Variants in RRAGC observed in about 807,000 individuals in gnomAD.
RRAGC encodes Ras related GTP binding C, also known as ras-related GTP-binding protein C.
In RRAGC, 8 loss-of-function variants were observed where a neutral mutation model predicts 37.1. The observed-to-expected ratio is 0.22, with a 90% CI of 0.13 to 0.39. The LOEUF (loss-of-function observed/expected upper bound fraction) is 0.39, where lower values mean the gene tolerates loss of function less well. Among genes scored for constraint, RRAGC ranks in the 10% least tolerant of loss-of-function variants. The pLI is 1.00. For synonymous variants in RRAGC, 190 were observed against 181.1 expected, an observed-to-expected ratio of 1.05 and a Z score of -0.39; for missense variants, 342 against 497.6, an observed-to-expected ratio of 0.69 and a Z score of 2.98.
chr1:38,857,235 A>G (rs934401823), intron 1 of RRAGC, among the ~76,000 whole-genome samples, 153 bp from the exon 2 acceptor site: 3 of 152,184 alleles, frequency 2.0e-5, no homozygotes, highest in Non-Finnish European at 4.4e-5. Flanking sequence ...GGTATTCACT[A>G]TCCCTTTATT....
At position 38,857,895 on chromosome 1, in the gene RRAGC, G is replaced by C. The variant is rs974477446; in HGVS notation, c.238-813C>G. Among the ~76,000 whole-genome samples, 3 of 152,116 alleles carry C rather than the reference G, an allele frequency of 2.0e-5. No individual in the cohort carries two copies. The East Asian group carries it at 5.8e-4, about 29-fold the overall frequency. On this transcript the variant is annotated intron_variant, in intron 1 of 6. Transcript: ENST00000373001. ...GAATCACTTGAACCCAGGAGGTGGA[G>C]GCTGCAGTGAGTGAAGATCACACCA...
rs560202320 is a variant in RRAGC at position 38,851,926 on chromosome 1, T to G, written c.757-169A>C. ...AGAGACTCTTCTATTATCCAAAGAA[T>G]GAAAGAGGAATTATTTCTCTACTCT... On this transcript the variant is annotated intron_variant, in intron 4 of 6. Coordinates refer to ENST00000373001, the MANE Select transcript of RRAGC (RefSeq NM_022157.4). Among the ~76,000 whole-genome samples the G allele has an allele frequency of 1.1e-4, 17 of 152,220 alleles. 1 individual carries two copies. Among genetic ancestry groups the G allele is most frequent in the Admixed American group, 2.0e-4 (3 of 15,278 alleles).
At position 38,859,564 on chromosome 1, in the gene RRAGC, T is replaced by C; in HGVS notation, c.83A>G (p.Tyr28Cys). ...AADSFPKDFG[Y>C]GVEEEEEEAA... ...CTCCTCTTCCTCCTCCTCCACGCCGTAGCCGAAGTCCTTTGGAAACGAATC... is the reference window on the plus strand; with the variant it reads ...CTCCTCTTCCTCCTCCTCCACGCCGCAGCCGAAGTCCTTTGGAAACGAATC... The change falls in exon 1 of 7, where the codon TAC becomes TGC. Residue 28 changes from tyrosine (Y) to cysteine (C), a missense_variant. Physicochemically the swap from Tyr to Cys is radical, Grantham distance 194. This residue lies in a region of RRAGC where 104 missense variants were observed against 93.4 expected (regional missense o/e 1.11). Transcript: ENST00000373001. 3.2e-6 allele frequency: 5 copies of C among 1,549,654 alleles called. No homozygotes were observed. Among genetic ancestry groups the C allele is most frequent in the Non-Finnish European group, 4.4e-6 (5 of 1,148,424 alleles).
At chr1:38,856,789 G>A in intron 2 of RRAGC, 90 bp downstream of exon 2, 1 of 1,275,728 alleles carries the variant, frequency 7.8e-7, no homozygotes, top group Non-Finnish European at 1.1e-6. Flanking sequence ...GAGATAAGCT[G>A]CAACCACATG....
At chr1:38,851,369 C>T in intron 5 of RRAGC, 1 of 297,054 alleles carries the variant, frequency 3.4e-6, no homozygotes, top group Middle Eastern at 9.2e-4. Context: ...GTGGGAGAAA[C>T]TTGCAGTGAT....
In RRAGC at chr1:38,859,729, GCCGCCGCCACCACCGCCA is replaced by G; in HGVS notation, c.-101_-84del. The stretch of plus-strand genomic sequence containing the variant: ...GCCGCCTCCCCAGTCCGCCTCCGCC[GCCGCCGCCACCACCGCCA>G]CCGCCCCCGGCAGCCGCCACAGTCC... On this transcript the variant is annotated 5_prime_UTR_variant, in exon 1 of 7. Transcript: ENST00000373001. The G allele has an allele frequency of 8.5e-7, 1 of 1,175,150 alleles. No homozygotes were observed. The highest frequency in any genetic ancestry group is 1.1e-6 in the Non-Finnish European group (1 of 935,484). 72.8% of individuals were successfully genotyped at this position (1,175,150 alleles called of 1,614,324 possible). A position where few individuals can be genotyped will look rare whatever the true frequency, so the allele number is the denominator to read the frequency against.
intron 5 of RRAGC, among the ~76,000 whole-genome samples, chr1:38,849,487 G>C (rs527951737): frequency 1.3e-5 from 2 of 152,206 alleles, no homozygotes; most frequent in African/African-American, 4.8e-5. Context: ...CCAGGAGTTC[G>C]AGACCAGCCT....
chr1:38,845,548 A>G (rs534692769), intron 6 of RRAGC, among the ~76,000 whole-genome samples: 33 of 152,284 alleles, frequency 2.2e-4, no homozygotes, highest in African/African-American at 7.2e-4. Flanking sequence ...TGAGTGCAGC[A>G]AACCACCATG....
At chr1:38,851,835 T>C (rs1642104308) in intron 4 of RRAGC, 78 bp from the exon 5 acceptor site, 20 of 1,300,436 alleles carry the variant, frequency 1.5e-5, no homozygotes, top group Non-Finnish European at 2.1e-5. Flanking sequence ...CTAGAATTAC[T>C]GAATAACATC....
chr1:38,859,597 C>T lies in RRAGC; in HGVS notation c.50G>A (p.Gly17Asp). 6.4e-7 allele frequency: 1 copy of T among 1,568,320 alleles called. No individual in the cohort carries two copies. Among genetic ancestry groups the T allele is most frequent in the Non-Finnish European group, 8.6e-7 (1 of 1,157,728 alleles). Reference protein sequence around the residue: ...AEETPLAGSYGAADSFPKDFG... With the variant: ...AEETPLAGSYDAADSFPKDFG... ...GTCCTTTGGAAACGAATCGGCCGCGCCGTAACTGCCGGCGAGGGGCGTCTC... is the reference window on the plus strand; with the variant it reads ...GTCCTTTGGAAACGAATCGGCCGCGTCGTAACTGCCGGCGAGGGGCGTCTC... Residue 17 changes from glycine to aspartate, a missense_variant, in exon 1 of 7, where the codon GGC becomes GAC. By Grantham distance (94) the Gly-to-Asp change is moderately conservative (BLOSUM62 -1). Transcript: ENST00000373001.
intron 1 of RRAGC, 78 bp from the exon 2 acceptor site, chr1:38,857,160 T>A: frequency 8.1e-7 from 1 of 1,229,782 alleles, no homozygotes; most frequent in Non-Finnish European, 1.2e-6. Flanking sequence ...GGTTTAACAT[T>A]TAAACATTTG....
At chr1:38,846,183 T>A (rs1436635457) in intron 5 of RRAGC, 96 bp from the exon 6 acceptor site, 2 of 960,370 alleles carry the variant, frequency 2.1e-6, no homozygotes, top group South Asian at 1.5e-5. Context: ...TTCCCAAATG[T>A]CTCTGGGAAA....
Position 38,852,483 on chromosome 1 carries a change from T to C in RRAGC, c.647A>G (p.Tyr216Cys). The change falls in exon 4 of 7, where the codon TAT becomes TGT. Residue 216 changes from tyrosine to cysteine, a missense_variant. Transcript: ENST00000373001. ...TGAATGGTCATAGATACTAGTCAGA[T>C]AAAAGCTGAAAAACACAACATAGCT... ...AGLEKLHLSFYLTSIYDHSIF... is the reference protein window; with the variant it reads ...AGLEKLHLSFCLTSIYDHSIF... 6.6e-7 allele frequency: 1 copy of C among 1,505,566 alleles called. No individual in the cohort carries two copies. Among genetic ancestry groups the C allele is most frequent in the Non-Finnish European group, 9.2e-7 (1 of 1,086,936 alleles). 93.3% of individuals were successfully genotyped at this position (1,505,566 alleles called of 1,614,324 possible).
rs1642112954 is a variant in RRAGC, at chr1:38,852,507, CTTGA to C, written c.642-23_642-20del. 1 of 1,147,994 alleles carries C rather than the reference CTTGA, an allele frequency of 8.7e-7. No homozygotes were observed. The highest frequency in any genetic ancestry group is 1.3e-6 in the Non-Finnish European group (1 of 774,238). The allele number at this position is 1,147,994 out of a possible 1,614,324, so 71.1% of individuals were successfully genotyped here. A position where few individuals can be genotyped will look rare whatever the true frequency, so the allele number is the denominator to read the frequency against. ...ATAAAAGCTGAAAAACACAACATAG[CTTGA>C]TTAATTTGAAAAATACCTTATGTTC... On this transcript the variant is annotated intron_variant, in intron 3 of 6. Transcript: ENST00000373001.
rs530710323 is a variant in RRAGC at position 38,843,652 on chromosome 1, G to A, written c.1048+2287C>T. Among the ~76,000 whole-genome samples the A allele has an allele frequency of 2.0e-4, 31 of 151,660 alleles. 1 individual carries two copies. The highest frequency in any genetic ancestry group is 7.3e-4 in the African/African-American group (30 of 41,292). On this transcript the variant is annotated intron_variant, in intron 6 of 6. Coordinates refer to ENST00000373001, the MANE Select transcript of RRAGC (RefSeq NM_022157.4). Reference sequence around the variant, plus strand: ...GGAGAATGATGTGAACCCGGGAGGCGGAGCTTGCAGTGAGCCGAGATTGCG... The same window carrying A: ...GGAGAATGATGTGAACCCGGGAGGCAGAGCTTGCAGTGAGCCGAGATTGCG...
At chr1:38,849,113 GA>G (rs920754679) in intron 5 of RRAGC, among the ~76,000 whole-genome samples, 4 of 145,242 alleles carry the variant, frequency 2.8e-5, no homozygotes, top group East Asian at 4.0e-4. Flanking sequence ...AAAAAAAAAA[GA>G]AAAAAAAAAG....
At chr1:38,844,151 T>C (rs1057367757) in intron 6 of RRAGC, among the ~76,000 whole-genome samples, 1 of 152,010 alleles carries the variant, frequency 6.6e-6, no homozygotes, top group African/African-American at 2.4e-5. Flanking sequence ...TATCTACACT[T>C]GGACAGGAGA....
chr1:38,849,194 T>C (rs1424514497), intron 5 of RRAGC, among the ~76,000 whole-genome samples: 1 of 152,080 alleles, frequency 6.6e-6, no homozygotes, highest in African/African-American at 2.4e-5. Flanking sequence ...GGAGGATCAC[T>C]TGAGTCCAGG....
intron 5 of RRAGC, among the ~76,000 whole-genome samples, chr1:38,848,755 C>T (rs1319841802): frequency 2.0e-5 from 3 of 151,906 alleles, no homozygotes; most frequent in Non-Finnish European, 4.4e-5. Context: ...GAGACTAAGA[C>T]GGGAATATTG....
Sources: gnomAD v4.1 joint callset for allele counts (sites outside exome capture counted in the v4.1 genomes callset) on GRCh38, gnomAD v4.1.1 for gene constraint, gnomAD v4.1.1 regional missense constraint, MANE v1.5 for transcripts, NCBI Gene and HGNC (gene_info 2026-07-23, HGNC 2026-07-21) for gene names.